The following TMEM67 variants were observed in gnomAD, a reference collection of about 807,000 sequenced individuals.
The protein encoded by TMEM67 is transmembrane protein 67, also known as meckelin.
A neutral mutation model predicts 136.6 loss-of-function variants in TMEM67; 124 were observed. The observed-to-expected ratio is 0.91, with a 90% CI of 0.78 to 1.05. The LOEUF is 1.05. Among genes scored for constraint, TMEM67 ranks in the 50% least tolerant of loss-of-function variants. The pLI, the probability that TMEM67 is intolerant of heterozygous loss-of-function variation, is 0.00. For synonymous variants in TMEM67, 364 were observed against 390.5 expected (o/e 0.93, Z 0.80); for missense variants, 1,107 against 1,178.4 (o/e 0.94, Z 0.89).
intron 17 of TMEM67, 92 bp from the exon 18 acceptor site, chr8:93,795,809 C>A (rs62525168): frequency 9.6e-7 from 1 of 1,045,250 alleles, no homozygotes; most frequent in Non-Finnish European, 1.4e-6. Flanking sequence ...ACCCTCCTTT[C>A]CCAAAAAAAA....
intron 16 of TMEM67, chr8:93,795,197 G>T: frequency 1.7e-6 from 1 of 599,826 alleles, no homozygotes; most frequent in Non-Finnish European, 3.0e-6. Flanking sequence ...GTTGAAAGAA[G>T]AGGCTACCAG....
intron 7 of TMEM67, 100 bp downstream of exon 7, chr8:93,772,751 T>A: frequency 2.4e-6 from 2 of 825,530 alleles, no homozygotes; most frequent in Non-Finnish European, 3.9e-6. Flanking sequence ...AGCTATAGCT[T>A]CTTGGTCATA....
At chr8:93,770,764 C>G (rs942910084) in intron 6 of TMEM67, among the ~76,000 whole-genome samples, 1 of 152,074 alleles carries the variant, frequency 6.6e-6, no homozygotes, top group Non-Finnish European at 1.5e-5. Flanking sequence ...CCTTTAATCC[C>G]AGCACTTTGG....
At chr8:93,799,508 T>G in intron 20 of TMEM67, 110 bp from the exon 21 acceptor site, 1 of 827,458 alleles carries the variant, frequency 1.2e-6, no homozygotes, top group Non-Finnish European at 2.0e-6. Context: ...TATACAAACT[T>G]AGATATTTTA....
chr8:93,831,584 G>A, the TMEM67 span, among the ~76,000 whole-genome samples: 1 of 152,086 alleles, frequency 6.6e-6, no homozygotes, highest in African/African-American at 2.4e-5. Context: ...TGAGTATCTA[G>A]TCCCCAACCC....
rs1172718016 is a variant in TMEM67 at position 93,817,498 on chromosome 8, A to G, written c.*1046A>G. The stretch of plus-strand genomic sequence containing the variant: ...CAGATAGCACCACTGCACTCCAGCC[A>G]GGATGACAGAGCAAGACCCTGTCTC... On this transcript the variant is annotated 3_prime_UTR_variant, in exon 28 of 28. Transcript: ENST00000453321. 6.6e-6 allele frequency: 1 copy of G among 152,226 alleles called. No homozygotes were observed. The highest frequency in any genetic ancestry group is 1.9e-4 in the East Asian group (1 of 5,196). 9.4% of individuals were successfully genotyped at this position (152,226 alleles called of 1,614,324 possible).
Position 93,808,857 on chromosome 8 carries a change from G to A in TMEM67, c.2457G>A (p.Gln819=). Residue 819 remains glutamine, a synonymous_variant, in exon 24 of 28, where the codon CAG becomes CAA. Transcript: ENST00000453321. ...CTTTTCAGGAAAATTTGTGTAGCCA[G>A]AGAGGTTTGGTACCCAACACAGATG... is the stretch of plus-strand genomic sequence containing the variant. ...LKREAENLCS[Q]RGLVPNTDGQ... is the part of the protein sequence containing the mutation. The A allele has an allele frequency of 1.2e-6, 2 of 1,609,826 alleles. No individual in the cohort carries two copies. Among genetic ancestry groups the A allele is most frequent in the Non-Finnish European group, 1.7e-6 (2 of 1,176,522 alleles).
At chr8:93,779,272 T>G (rs1813699750) in intron 7 of TMEM67, among the ~76,000 whole-genome samples, 1 of 152,116 alleles carries the variant, frequency 6.6e-6, no homozygotes, top group Admixed American at 6.6e-5. Context: ...TTTTTCAAGG[T>G]TTTTAGCTTC....
rs1488291612 is a variant in TMEM67, at chr8:93,785,253, A to G, written c.1163A>G (p.Asp388Gly). Reference protein sequence around the residue: ...CEIPISKILIDFPTPIFYDVY... With the variant: ...CEIPISKILIGFPTPIFYDVY... ...ATTCCTATCTCTAAGATCTTAATTG[A>G]CTTTCCCACTCCTATATTTTATGAT... Residue 388 changes from aspartate (D) to glycine (G), a missense_variant, in exon 12 of 28, where the codon GAC becomes GGC. Physicochemically the swap from Asp to Gly is moderately conservative, Grantham distance 94 (BLOSUM62 -1). This residue lies in a region of TMEM67 where 925 missense variants were observed against 1,002.4 expected (regional missense o/e 0.92). Coordinates refer to ENST00000453321, the MANE Select transcript of TMEM67 (RefSeq NM_153704.6). 1 of 1,594,470 alleles carries G rather than the reference A, an allele frequency of 6.3e-7. No homozygotes were observed.
Position 93,755,775 on chromosome 8 carries a change from TAGG to T in TMEM67, c.224-1_225del. The T allele has an allele frequency of 7.8e-7, 1 of 1,281,700 alleles. No individual in the cohort carries two copies. The allele number at this position is 1,281,700 out of a possible 1,614,324, so 79.4% of individuals were successfully genotyped here. A position where few individuals can be genotyped will look rare whatever the true frequency, so the allele number is the denominator to read the frequency against. ...GCTTTTTTTTTTTTTTTTTTTTTTT[TAGG>T]AACTTCATGTGTATGTCTACCAGGA... On this transcript the variant is annotated splice_acceptor_variant and coding_sequence_variant, in exon 2 of 28. Coordinates refer to ENST00000453321, the MANE Select transcript of TMEM67 (RefSeq NM_153704.6). LOFTEE classifies it high-confidence loss of function.
chr8:93,760,049 T>G lies in TMEM67; in HGVS notation c.406+1473T>G, dbSNP rs79018509. On this transcript the variant is annotated intron_variant, in intron 3 of 27. Coordinates refer to ENST00000453321, the MANE Select transcript of TMEM67 (RefSeq NM_153704.6). ...CTTTTAAGTGAAAATGCATTCTTTATTTTTGGATGGGAAGATTAAATATTA... is the reference window on the plus strand; with the variant it reads ...CTTTTAAGTGAAAATGCATTCTTTAGTTTTGGATGGGAAGATTAAATATTA... 3.6e-4 allele frequency: 468 copies of G among 1,305,966 alleles called. 6 individuals are homozygous for G. In the East Asian group the frequency reaches 0.013, roughly 36 times the overall value. 80.9% of individuals were successfully genotyped at this position (1,305,966 alleles called of 1,614,324 possible). A position where few individuals can be genotyped will look rare whatever the true frequency, so the allele number is the denominator to read the frequency against.
At chr8:93,828,383 G>C in the TMEM67 span, among the ~76,000 whole-genome samples, 28 of 152,162 alleles carry the variant, frequency 1.8e-4, 1 homozygote, top group Non-Finnish European at 3.2e-4. Context: ...TATTTACAAT[G>C]TGTCTTAAGG....
At chr8:93,796,695 G>GA (rs557809700) in intron 18 of TMEM67, among the ~76,000 whole-genome samples, 67 of 151,472 alleles carry the variant, frequency 4.4e-4, no homozygotes, top group Middle Eastern at 6.9e-3. Context: ...AGCAGAAATA[G>GA]AAAAAAAAGA....
intron 17 of TMEM67, 49 bp from the exon 18 acceptor site, chr8:93,795,852 C>CA (rs753903313): frequency 9.1e-5 from 125 of 1,374,302 alleles, no homozygotes; most frequent in Non-Finnish European, 1.1e-4. Context: ...AACAAACAAA[C>CA]AAAAAAAACT....
chr8:93,761,155 C>T (rs1812811995), intron 3 of TMEM67, among the ~76,000 whole-genome samples: 1 of 152,108 alleles, frequency 6.6e-6, no homozygotes, highest in African/African-American at 2.4e-5. Flanking sequence ...CAAAATTAGC[C>T]TGGCATGGTG....
At chr8:93,755,237 C>G in intron 1 of TMEM67, 100 bp downstream of exon 1, 2 of 1,197,486 alleles carry the variant, frequency 1.7e-6, no homozygotes, top group Non-Finnish European at 2.5e-6. Context: ...TCAGGCTAGT[C>G]TCGAACTTCT....
At chr8:93,804,346 G>T (rs1586081767) in intron 22 of TMEM67, among the ~76,000 whole-genome samples, 1 of 101,974 alleles carries the variant, frequency 9.8e-6, no homozygotes, top group Non-Finnish European at 1.8e-5. Flanking sequence ...AAAAGGTCTC[G>T]CACTGTAACC....
downstream of TMEM67, among the ~76,000 whole-genome samples, chr8:93,820,833 T>A (rs1248858596): frequency 6.6e-6 from 1 of 152,206 alleles, no homozygotes; most frequent in Non-Finnish European, 1.5e-5. Flanking sequence ...ATTAAGACAC[T>A]GTCTCATTGC....
chr8:93,761,749 A>G (rs139265526), intron 3 of TMEM67, among the ~76,000 whole-genome samples: 4 of 152,336 alleles, frequency 2.6e-5, no homozygotes. Flanking sequence ...ATTCATCTAC[A>G]AATGTTTATT....
Sources: gnomAD v4.1 joint callset for allele counts (sites outside exome capture counted in the v4.1 genomes callset) on GRCh38, gnomAD v4.1.1 for gene constraint, gnomAD v4.1.1 regional missense constraint, MANE v1.5 for transcripts, NCBI Gene and HGNC (gene_info 2026-07-23, HGNC 2026-07-21) for gene names.